The following LAMA3 variants were observed in gnomAD, a reference collection of about 807,000 sequenced individuals.
The protein encoded by LAMA3 is laminin subunit alpha-3.
LAMA3 carries 281 observed loss-of-function variants against 402.0 expected under a neutral mutation model. That is an observed-to-expected ratio of 0.70 (90% CI 0.63 to 0.77). The LOEUF (loss-of-function observed/expected upper bound fraction) is 0.77. LAMA3 is among the 30% of genes least tolerant of loss of function. LAMA3 has a pLI of 0.00. For synonymous variants in LAMA3, 1,431 were observed against 1,558.4 expected (o/e 0.92, Z 1.93); for missense variants, 3,840 against 4,215.5 (o/e 0.91, Z 2.47).
At chr18:23,891,250 G>C (rs2080652152) in intron 42 of LAMA3, among the ~76,000 whole-genome samples, 2 of 152,158 alleles carry the variant, frequency 1.3e-5, no homozygotes, top group African/African-American at 2.4e-5. Flanking sequence ...GTGAGGCCTG[G>C]GACAAAATCT....
intron 1 of LAMA3, among the ~76,000 whole-genome samples, chr18:23,697,383 G>A (rs748814590): frequency 1.3e-5 from 2 of 152,130 alleles, no homozygotes; most frequent in African/African-American, 2.4e-5. Flanking sequence ...GGTCAACGAC[G>A]CAGGCTGTAC....
chr18:23,773,790 T>G (rs1372806550), intron 9 of LAMA3, among the ~76,000 whole-genome samples: 1 of 152,240 alleles, frequency 6.6e-6, no homozygotes, highest in Non-Finnish European at 1.5e-5. Context: ...GATAATGTAT[T>G]TCATAAGATT....
intron 36 of LAMA3, 33 bp from the exon 37 acceptor site, chr18:23,867,801 G>T (rs1472780340): frequency 2.0e-6 from 3 of 1,478,536 alleles, no homozygotes; most frequent in East Asian, 2.3e-5. Flanking sequence ...TCCCAGTGAA[G>T]GTACTAACAC....
Position 23,792,608 on chromosome 18 carries a change from C to A in LAMA3, c.1603+8451C>A, listed in dbSNP as rs148948033. Among the ~76,000 whole-genome samples the A allele has an allele frequency of 3.7e-3, 565 of 152,334 alleles. 3 individuals carry two copies. The highest frequency in any genetic ancestry group is 3.3e-3 in the Non-Finnish European group (226 of 68,034). On this transcript the variant is annotated intron_variant, in intron 12 of 74. Coordinates refer to ENST00000313654, the MANE Select transcript of LAMA3 (RefSeq NM_198129.4). ...TTTGGCAAGACAAACCACATCCAAA[C>A]CATAGCATATGGGAAGCCTCGGGAG... is the stretch of plus-strand genomic sequence containing the variant.
At chr18:23,878,846 T>G (rs1221456099) in intron 39 of LAMA3, among the ~76,000 whole-genome samples, 1 of 152,158 alleles carries the variant, frequency 6.6e-6, no homozygotes, top group Admixed American at 6.5e-5. Context: ...AGGTGTCCAG[T>G]GTCAAGGGCA....
chr18:23,929,381 A>T (rs2082096785), intron 64 of LAMA3, among the ~76,000 whole-genome samples: 1 of 152,256 alleles, frequency 6.6e-6, no homozygotes, highest in Non-Finnish European at 1.5e-5. Context: ...TATTTGTGGA[A>T]TGAGTGGAAT....
Position 23,901,165 on chromosome 18 carries a change from G to T in LAMA3, c.6043G>T (p.Gly2015Trp). 2 of 1,614,186 alleles carry T rather than the reference G, an allele frequency of 1.2e-6. No individual in the cohort carries two copies. Residue 2015 changes from glycine (G) to tryptophan (W), a missense_variant, in exon 48 of 75, where the codon GGG (glycine) becomes TGG (tryptophan). Coordinates refer to ENST00000313654, the MANE Select transcript of LAMA3 (RefSeq NM_198129.4). ...AAGGACCTGGCAGAAAACCCACCAG[G>T]GGGAGAACAATGGGCTTGCTAACAG... ...RIRTWQKTHQ[G>W]ENNGLANSIR...
At chr18:23,791,228 C>T (rs1318606583) in intron 12 of LAMA3, among the ~76,000 whole-genome samples, 1 of 152,136 alleles carries the variant, frequency 6.6e-6, no homozygotes, top group Non-Finnish European at 1.5e-5. Flanking sequence ...TCCTTAAACC[C>T]TGCAAAGAGA....
At chr18:23,868,629 A>C (rs1014495269) in intron 37 of LAMA3, among the ~76,000 whole-genome samples, 1 of 152,184 alleles carries the variant, frequency 6.6e-6, no homozygotes, top group Non-Finnish European at 1.5e-5. Context: ...CAAACAAACA[A>C]AAAACCTGTG....
At chr18:23,954,401 T>TAAAAAA (rs11406615) in intron 74 of LAMA3, 102 bp from the exon 75 acceptor site, 9 of 679,782 alleles carry the variant, frequency 1.3e-5, no homozygotes, top group Non-Finnish European at 2.1e-5. Flanking sequence ...GGACCCTGTC[T>TAAAAAA]AAAAAAAAAA....
chr18:23,769,803 C>T (rs767764108), intron 8 of LAMA3, among the ~76,000 whole-genome samples: 1 of 152,136 alleles, frequency 6.6e-6, no homozygotes, highest in Non-Finnish European at 1.5e-5. Flanking sequence ...CTAAACACTC[C>T]AATTCAAAGG....
Position 23,901,108 on chromosome 18 carries a change from A to T in LAMA3, c.6005-19A>T, listed in dbSNP as rs371237237. On this transcript the variant is annotated intron_variant, in intron 47 of 74. Coordinates refer to ENST00000313654, the MANE Select transcript of LAMA3 (RefSeq NM_198129.4). Reference sequence around the variant, plus strand: ...TATGCTCATCTGTCAAATAGAAAACATGAGGTGATGTATTACAGTGCTGAA... The same window carrying T: ...TATGCTCATCTGTCAAATAGAAAACTTGAGGTGATGTATTACAGTGCTGAA... 6.0e-5 allele frequency: 96 copies of T among 1,607,786 alleles called. No individual in the cohort carries two copies. Among genetic ancestry groups the T allele is most frequent in the Non-Finnish European group, 7.7e-5 (91 of 1,174,394 alleles).
At chr18:23,784,623 C>T (rs2062504718) in intron 12 of LAMA3, among the ~76,000 whole-genome samples, 1 of 152,114 alleles carries the variant, frequency 6.6e-6, no homozygotes, top group South Asian at 2.1e-4. Flanking sequence ...GACCACAAAC[C>T]CCCTCCTCCC....
Position 23,933,841 on chromosome 18 carries a change from C to A in LAMA3, c.8768C>A (p.Ser2923Tyr). The A allele has an allele frequency of 2.5e-6, 4 of 1,613,950 alleles. No individual in the cohort carries two copies. The highest frequency in any genetic ancestry group is 3.4e-6 in the Non-Finnish European group (4 of 1,179,804). Residue 2923 changes from serine (S) to tyrosine (Y), a missense_variant, in exon 67 of 75, where the codon TCC (serine) becomes TAC (tyrosine). By Grantham distance (144) the Ser-to-Tyr change is moderately radical. Around this residue, in one of 3 missense-constraint regions of LAMA3, gnomAD observed 840 missense variants for 981.9 expected, o/e 0.86. Coordinates refer to ENST00000313654, the MANE Select transcript of LAMA3 (RefSeq NM_198129.4). Reference protein sequence around the residue: ...LTSNSLKRDVSLGGCSLNKPP... With the variant: ...LTSNSLKRDVYLGGCSLNKPP... ...AGTAACTCTCTCAAGAGAGATGTGT[C>A]CCTGGGAGGCTGCAGTTTAAACAAA... is the stretch of plus-strand genomic sequence containing the variant.
intron 1 of LAMA3, among the ~76,000 whole-genome samples, chr18:23,712,544 G>A (rs1432630383): frequency 6.6e-6 from 1 of 150,946 alleles, no homozygotes; most frequent in Non-Finnish European, 1.5e-5. Flanking sequence ...GGAAGAGCAG[G>A]AAACATATGG....
chr18:23,916,324 C>G (rs932215293), intron 59 of LAMA3, among the ~76,000 whole-genome samples: 1 of 152,172 alleles, frequency 6.6e-6, no homozygotes, highest in Non-Finnish European at 1.5e-5. Context: ...TCTTACTCAT[C>G]TTTGTCGAGC....
chr18:23,863,399 C>T (rs1194785255), intron 35 of LAMA3, among the ~76,000 whole-genome samples: 1 of 152,128 alleles, frequency 6.6e-6, no homozygotes, highest in Non-Finnish European at 1.5e-5. Flanking sequence ...GAACTGAGCT[C>T]GAGCCATTGG....
chr18:23,822,173 A>G (rs2063297991), intron 19 of LAMA3, 79 bp from the exon 20 acceptor site: 2 of 1,504,316 alleles, frequency 1.3e-6, no homozygotes, highest in South Asian at 2.3e-5. Context: ...TGACACTTGA[A>G]TAGAATAAAG....
At chr18:23,915,467 G>C (rs769534872) in intron 59 of LAMA3, 45 bp downstream of exon 59, 5 of 1,563,688 alleles carry the variant, frequency 3.2e-6, no homozygotes, top group Non-Finnish European at 4.4e-6. Context: ...TGGAGTTTTG[G>C]TAACTTGCAG....
Sources: gnomAD v4.1 joint callset for allele counts (sites outside exome capture counted in the v4.1 genomes callset) on GRCh38, gnomAD v4.1.1 for gene constraint, gnomAD v4.1.1 regional missense constraint, MANE v1.5 for transcripts, NCBI Gene and HGNC (gene_info 2026-07-23, HGNC 2026-07-21) for gene names.